The following WT1 variants were observed in gnomAD, a reference collection of about 807,000 sequenced individuals.
The protein encoded by WT1 is Wilms tumor protein.
WT1 carries 8 observed loss-of-function variants against 60.8 expected under a neutral mutation model. The observed-to-expected ratio is 0.13, with a 90% confidence interval of 0.08 to 0.24. WT1 has a LOEUF of 0.24. Among genes scored for constraint, WT1 ranks in the 10% least tolerant of loss-of-function variants. WT1 has a pLI of 1.00. For synonymous variants in WT1, 312 were observed against 297.1 expected (o/e 1.05, Z -0.52); for missense variants, 568 against 711.8 (o/e 0.80, Z 2.30).
Position 32,410,540 on chromosome 11 carries a change from T to C in WT1, c.1016+5950A>G, listed in dbSNP as rs187465574. 2.1e-3 allele frequency among the ~76,000 whole-genome samples: 326 copies of C among 152,316 alleles called. 2 individuals carry two copies. Among genetic ancestry groups the C allele is most frequent in the Non-Finnish European group, 3.3e-3 (225 of 68,030 alleles). ...ATAAATGTTTCCAGAATTTTTTCTC[T>C]GAAGATATAAATACACCTCAAAATG... is the stretch of plus-strand genomic sequence containing the variant. On this transcript the variant is annotated intron_variant, in intron 5 of 9. Transcript: ENST00000452863.
chr11:32,398,839 A>G (rs1378736738), intron 6 of WT1, among the ~76,000 whole-genome samples: 1 of 150,802 alleles, frequency 6.6e-6, no homozygotes, highest in Non-Finnish European at 1.5e-5. Flanking sequence ...TACATCTAGT[A>G]TGATTCCAAC....
intron 5 of WT1, among the ~76,000 whole-genome samples, chr11:32,403,870 C>T (rs1222742005): frequency 6.6e-6 from 1 of 152,030 alleles, no homozygotes; most frequent in Non-Finnish European, 1.5e-5. Context: ...CTGCACCGCG[C>T]CCAGCCGCAA....
intron 5 of WT1, among the ~76,000 whole-genome samples, chr11:32,414,365 C>T (rs942406087): frequency 1.3e-5 from 2 of 152,166 alleles, no homozygotes; most frequent in African/African-American, 4.8e-5. Context: ...CTCCGCCTCC[C>T]AAGCTCAAGC....
At chr11:32,403,290 C>T (rs555448217) in intron 5 of WT1, among the ~76,000 whole-genome samples, 16 of 152,250 alleles carry the variant, frequency 1.1e-4, no homozygotes, top group South Asian at 4.1e-4. Context: ...CCAAGTACAA[C>T]GTACTGGCAT....
chr11:32,404,877 A>G (rs543929442), intron 5 of WT1, among the ~76,000 whole-genome samples: 77 of 152,220 alleles, frequency 5.1e-4, no homozygotes, highest in Admixed American at 9.2e-4. Flanking sequence ...TGGCCTAATA[A>G]CTTTTCCAAG....
intron 3 of WT1, among the ~76,000 whole-genome samples, chr11:32,419,941 G>A (rs1415184119): frequency 2.6e-5 from 4 of 152,132 alleles, no homozygotes; most frequent in African/African-American, 7.2e-5. Flanking sequence ...TGATCCACCC[G>A]CCTCAGCCTC....
intron 5 of WT1, among the ~76,000 whole-genome samples, chr11:32,408,615 G>A (rs528304915): frequency 1.3e-5 from 2 of 149,742 alleles, no homozygotes; most frequent in African/African-American, 2.4e-5. Context: ...GAGGAAGAAA[G>A]AGAAAGAACA....
chr11:32,393,254 A>C (rs1204398718), intron 7 of WT1, among the ~76,000 whole-genome samples: 2 of 152,112 alleles, frequency 1.3e-5, no homozygotes, highest in Admixed American at 1.3e-4. Context: ...TTTGCTACTG[A>C]CTCCTTGTTC....
chr11:32,433,223 G>C (rs1010864752), intron 1 of WT1, among the ~76,000 whole-genome samples: 2 of 152,204 alleles, frequency 1.3e-5, no homozygotes, highest in African/African-American at 4.8e-5. Flanking sequence ...TTGTCCCAAC[G>C]CCCCTTGAGT....
intron 3 of WT1, among the ~76,000 whole-genome samples, chr11:32,421,574 G>C (rs1340116614): frequency 6.6e-6 from 1 of 152,170 alleles, no homozygotes; most frequent in Non-Finnish European, 1.5e-5. Context: ...CTATAACTGG[G>C]ATTAATGCAA....
intron 1 of WT1, chr11:32,430,486 G>GACAGAGAGAGAGAC (rs1554945690): frequency 6.4e-7 from 1 of 1,570,744 alleles, no homozygotes; most frequent in African/African-American, 1.5e-5. Context: ...GAGAGAGAGA[G>GACAGAGAGAGAGAC]AGAGACGAAA....
intron 9 of WT1, 54 bp downstream of exon 9, chr11:32,391,918 C>T: frequency 6.4e-7 from 1 of 1,560,424 alleles, no homozygotes; most frequent in Non-Finnish European, 8.8e-7. Context: ...CAATTTCATT[C>T]CACAATAGTT....
chr11:32,431,656 T>C (rs1046271407), intron 1 of WT1, among the ~76,000 whole-genome samples: 2 of 151,904 alleles, frequency 1.3e-5, no homozygotes, highest in Admixed American at 6.6e-5. Flanking sequence ...TTGGCCAGGC[T>C]GGTCTCAAAC....
intron 6 of WT1, among the ~76,000 whole-genome samples, chr11:32,398,661 T>C (rs186227776): frequency 2.6e-4 from 39 of 152,164 alleles, no homozygotes; most frequent in African/African-American, 7.7e-4. Context: ...ATTCTGACAT[T>C]ATTCATCACC....
intron 1 of WT1, among the ~76,000 whole-genome samples, chr11:32,434,271 C>T (rs1210701219): frequency 2.0e-5 from 3 of 152,228 alleles, no homozygotes; most frequent in African/African-American, 7.2e-5. Context: ...CCGCGCTGGT[C>T]CCACTCCGAA....
chr11:32,425,494 A>T (rs1249579258), intron 3 of WT1, among the ~76,000 whole-genome samples: 1 of 152,256 alleles, frequency 6.6e-6, no homozygotes, highest in East Asian at 1.9e-4. Flanking sequence ...GGAGTAGGAA[A>T]GAGGGAAACC....
intron 3 of WT1, among the ~76,000 whole-genome samples, chr11:32,419,300 G>A (rs896281464): frequency 6.6e-6 from 1 of 152,132 alleles, no homozygotes; most frequent in Non-Finnish European, 1.5e-5. Context: ...CTCTCTACTG[G>A]TTTTTGTTCT....
intron 3 of WT1, among the ~76,000 whole-genome samples, chr11:32,424,275 T>A (rs1189008733): frequency 6.6e-6 from 1 of 151,812 alleles, no homozygotes; most frequent in African/African-American, 2.4e-5. Flanking sequence ...GGCTGTGAAG[T>A]CAGAGAGACT....
chr11:32,400,102 T>C (rs1212265390), intron 5 of WT1, 58 bp from the exon 6 acceptor site: 4 of 1,580,690 alleles, frequency 2.5e-6, no homozygotes, highest in African/African-American at 1.3e-5. Context: ...CATTTGGAAA[T>C]GCTTATCTGC....
Sources: allele counts gnomAD v4.1 joint callset (sites outside exome capture counted in the v4.1 genomes callset), GRCh38; gene constraint gnomAD v4.1.1; transcripts MANE v1.5; gene names NCBI Gene and HGNC (gene_info 2026-07-23, HGNC 2026-07-21).